PHLPP2: variants seen among roughly 807,000 people sequenced by gnomAD.
PHLPP2 encodes the protein PH domain and leucine rich repeat protein phosphatase 2.
In PHLPP2, 66 loss-of-function variants were observed where a neutral mutation model predicts 124.9. That is an observed-to-expected ratio of 0.53 (90% CI 0.43 to 0.65). PHLPP2 has a LOEUF of 0.65. PHLPP2 is among the 30% of genes least tolerant of loss of function. The pLI, the probability that PHLPP2 is intolerant of heterozygous loss-of-function variation, is 0.00. For missense variants in PHLPP2, 1,685 were observed against 1,600.4 expected, an observed-to-expected ratio of 1.05 and a Z score of -0.90; for synonymous variants, 681 against 624.7, an observed-to-expected ratio of 1.09 and a Z score of -1.34.
At chr16:71,677,920 T>C (rs929482167) in intron 8 of PHLPP2, 1 of 152,142 alleles carries the variant, frequency 6.6e-6, no homozygotes, top group Non-Finnish European at 1.5e-5. Context: ...GCTATGTAAA[T>C]AAACGTTGAT....
chr16:71,649,233 C>A lies in PHLPP2; in HGVS notation c.3629G>T (p.Ser1210Ile), dbSNP rs770140204. The change falls in exon 19 of 19, where the codon AGT becomes ATT. Residue 1210 changes from serine (S) to isoleucine (I), a missense_variant. By Grantham distance (142) the Ser-to-Ile change is moderately radical. Transcript: ENST00000568954. ...GSCFGIRRQN[S>I]VNSGMLLPMS... ...TGGCAGGAGCATGCCACTATTCACA[C>A]TGTTCTGTCTTCGGATCCCAAAACA... 60 of 1,613,884 alleles carry A rather than the reference C, an allele frequency of 3.7e-5. No homozygotes were observed. Among genetic ancestry groups the A allele is most frequent in the Non-Finnish European group, 4.6e-5 (54 of 1,179,956 alleles).
chr16:71,662,867 A>T lies in PHLPP2; in HGVS notation c.1985+1032T>A, dbSNP rs539848108. On this transcript the variant is annotated intron_variant, in intron 13 of 18. Transcript: ENST00000568954. ...ATGAGATCCCATCTCTTAAAAAAAAAGTTCTAAAGTTGTTTTTTTTTTAAC... is the reference window on the plus strand; with the variant it reads ...ATGAGATCCCATCTCTTAAAAAAAATGTTCTAAAGTTGTTTTTTTTTTAAC... 6.0e-5 allele frequency among the ~76,000 whole-genome samples: 5 copies of T among 82,744 alleles called. No individual in the cohort carries two copies. The Admixed American group carries it at 6.5e-4, about 11-fold the overall frequency. The allele number at this position is 82,744 out of a possible 152,430, so 54.3% of individuals were successfully genotyped here.
At chr16:71,687,294 C>T (rs889879639) in intron 4 of PHLPP2, among the ~76,000 whole-genome samples, 1 of 152,166 alleles carries the variant, frequency 6.6e-6, no homozygotes, top group African/African-American at 2.4e-5. Flanking sequence ...AAGTTCCTTA[C>T]ATATTCTGAA....
At chr16:71,665,174 C>T (rs1033307578) in intron 12 of PHLPP2, among the ~76,000 whole-genome samples, 3 of 151,770 alleles carry the variant, frequency 2.0e-5, no homozygotes, top group East Asian at 3.9e-4. Context: ...CTGAGTGTGG[C>T]GGCACATGGC....
intron 12 of PHLPP2, 134 bp downstream of exon 12, chr16:71,667,044 A>C: frequency 1.6e-6 from 1 of 622,568 alleles, no homozygotes; most frequent in Non-Finnish European, 2.7e-6. Flanking sequence ...AATTGCAAAT[A>C]AGTCTCCACT....
intron 9 of PHLPP2, among the ~76,000 whole-genome samples, chr16:71,674,559 A>G (rs970894626): frequency 1.3e-5 from 2 of 150,926 alleles, no homozygotes; most frequent in Admixed American, 1.3e-4. Flanking sequence ...ATATACATTT[A>G]ATTATGCACT....
intron 2 of PHLPP2, among the ~76,000 whole-genome samples, chr16:71,703,869 A>C (rs1329513543): frequency 2.6e-5 from 4 of 152,248 alleles, no homozygotes; most frequent in African/African-American, 9.6e-5. Flanking sequence ...GATACTGACA[A>C]TTATTATTCT....
Position 71,664,092 on chromosome 16 carries a change from A to T in PHLPP2, c.1792T>A (p.Tyr598Asn), listed in dbSNP as rs2044817710. The T allele has an allele frequency of 1.2e-6, 2 of 1,609,864 alleles. No individual in the cohort carries two copies. Among genetic ancestry groups the T allele is most frequent in the Non-Finnish European group, 1.7e-6 (2 of 1,176,074 alleles). Residue 598 changes from tyrosine (Y) to asparagine (N), a missense_variant, in exon 13 of 19, where the codon TAC becomes AAC. Tyr to Asn is a moderately radical substitution (Grantham distance 143). Coordinates refer to ENST00000568954, the MANE Select transcript of PHLPP2 (RefSeq NM_015020.3). ...AGACTATTTGCAGATGCATTCAAGT[A>T]TCTGAGACTGACAGAACACACACAG... is the stretch of plus-strand genomic sequence containing the variant. ...TLFSKALNLR[Y>N]LNASANSLES... is the part of the protein sequence containing the mutation.
intron 13 of PHLPP2, among the ~76,000 whole-genome samples, chr16:71,660,415 C>T (rs1333773827): frequency 2.6e-5 from 3 of 114,408 alleles, no homozygotes; most frequent in Admixed American, 1.1e-4. Flanking sequence ...ATATTATATA[C>T]ACTGTATTTT....
rs184109507 is a variant in PHLPP2 at position 71,668,546 on chromosome 16, G to A, written c.1628+729C>T. On this transcript the variant is annotated intron_variant, in intron 11 of 18. Coordinates refer to ENST00000568954, the MANE Select transcript of PHLPP2 (RefSeq NM_015020.3). ...GGAGGCTGAGATGGGCCCATTGCTTGAGCCCAGGAGTTTGAGACCAGTGTG... is the reference window on the plus strand; with the variant it reads ...GGAGGCTGAGATGGGCCCATTGCTTAAGCCCAGGAGTTTGAGACCAGTGTG... Among the ~76,000 whole-genome samples the A allele has an allele frequency of 9.0e-4, 137 of 151,384 alleles. 1 individual carries two copies. The highest frequency in any genetic ancestry group is 1.9e-3 in the African/African-American group (79 of 41,332).
chr16:71,705,794 G>A lies in PHLPP2; in HGVS notation c.285-3063C>T, dbSNP rs529442996. ...CAAAGTGCTGGGATTACAGGCATGAGCCACCACACCCAGACCTCCTTATAC... is the reference window on the plus strand; with the variant it reads ...CAAAGTGCTGGGATTACAGGCATGAACCACCACACCCAGACCTCCTTATAC... On this transcript the variant is annotated intron_variant, in intron 2 of 18. Coordinates refer to ENST00000568954, the MANE Select transcript of PHLPP2 (RefSeq NM_015020.3). Among the ~76,000 whole-genome samples the A allele has an allele frequency of 2.0e-5, 3 of 152,304 alleles. No individual in the cohort carries two copies. The East Asian group carries it at 5.8e-4, about 29-fold the overall frequency.
chr16:71,688,539 T>C (rs2045075218), intron 4 of PHLPP2, among the ~76,000 whole-genome samples: 2 of 152,204 alleles, frequency 1.3e-5, no homozygotes, highest in South Asian at 4.2e-4. Flanking sequence ...TCCATTTCAA[T>C]CTGAAGTGAG....
chr16:71,658,515 TA>T, intron 14 of PHLPP2, 137 bp downstream of exon 14: 2 of 1,188,610 alleles, frequency 1.7e-6, no homozygotes, highest in Non-Finnish European at 2.3e-6. Flanking sequence ...CTGGAGCACA[TA>T]AGAAGACAAT....
In PHLPP2 at chr16:71,676,597, T is replaced by C; in HGVS notation, c.1321A>G (p.Ile441Val). The change falls in exon 9 of 19, where the codon ATC becomes GTC. Residue 441 changes from isoleucine to valine, a missense_variant. Transcript: ENST00000568954. ...TTGTCCCGCAGATCCACGTGGGTGA[T>C]GTGTTTATTTCCCTCCAGATTTTCA... is the stretch of plus-strand genomic sequence containing the variant. ...VIENLEGNKH[I>V]THVDLRDNRL... 6.2e-7 allele frequency: 1 copy of C among 1,614,074 alleles called. No homozygotes were observed. Among genetic ancestry groups the C allele is most frequent in the Non-Finnish European group, 8.5e-7 (1 of 1,179,886 alleles).
rs1484813357 is a variant in PHLPP2 at position 71,681,883 on chromosome 16, G to A, written c.758C>T (p.Thr253Ile). The A allele has an allele frequency of 2.5e-6, 4 of 1,612,548 alleles. No homozygotes were observed. Among genetic ancestry groups the A allele is most frequent in the Non-Finnish European group, 2.5e-6 (3 of 1,179,260 alleles). The change falls in exon 6 of 19, where the codon ACC (threonine) becomes ATC (isoleucine). Residue 253 changes from threonine (T) to isoleucine (I), a missense_variant. By Grantham distance (89) the Thr-to-Ile change is moderately conservative. Transcript: ENST00000568954. The part of the protein sequence containing the change: ...ASKVVSQRIS[T>I]VDLSCYSLEE... ...GAGGCTGTAACACGAGAGATCCACG[G>A]TACTGATTCGCTGGGACACCACCTG... is the stretch of plus-strand genomic sequence containing the variant.
intron 15 of PHLPP2, among the ~76,000 whole-genome samples, chr16:71,657,263 G>T (rs2044749951): frequency 6.6e-6 from 1 of 151,492 alleles, no homozygotes; most frequent in South Asian, 2.1e-4. Flanking sequence ...TTTTTAATAG[G>T]GATGGAGTTT....
At chr16:71,658,557 C>G in intron 14 of PHLPP2, 96 bp downstream of exon 14, 1 of 1,345,922 alleles carries the variant, frequency 7.4e-7, no homozygotes, top group Non-Finnish European at 1.0e-6. Flanking sequence ...TAATCTCATT[C>G]ACACTCCTTT....
chr16:71,688,908 A>G (rs2145351243), intron 4 of PHLPP2, among the ~76,000 whole-genome samples: 1 of 152,306 alleles, frequency 6.6e-6, no homozygotes, highest in Non-Finnish European at 1.5e-5. Flanking sequence ...AAGGCCATGT[A>G]ACTGGATTCT....
chr16:71,656,772 T>TG, intron 15 of PHLPP2, 91 bp from the exon 16 acceptor site: 1 of 735,052 alleles, frequency 1.4e-6, no homozygotes, highest in Non-Finnish European at 2.3e-6. Context: ...TTTTTTGAGA[T>TG]GGAGTCTCCC....
Sources: gnomAD v4.1 joint callset for allele counts (sites outside exome capture counted in the v4.1 genomes callset) on GRCh38, gnomAD v4.1.1 for gene constraint, MANE v1.5 for transcripts, NCBI Gene and HGNC (gene_info 2026-07-23, HGNC 2026-07-21) for gene names.